KPNA4: variants seen among roughly 807,000 people sequenced by gnomAD.
KPNA4 encodes importin subunit alpha-3.
In KPNA4, 13 loss-of-function variants were observed where a neutral mutation model predicts 71.3. The observed-to-expected ratio is 0.18, with a 90% CI of 0.12 to 0.29. The LOEUF (loss-of-function observed/expected upper bound fraction) is 0.29, where lower values mean the gene tolerates loss of function less well. KPNA4 is among the 10% of genes least tolerant of loss of function. KPNA4 has a pLI of 1.00. For synonymous variants in KPNA4, 189 were observed against 195.2 expected, an observed-to-expected ratio of 0.97 and a Z score of 0.26; for missense variants, 334 against 603.2, an observed-to-expected ratio of 0.55 and a Z score of 4.67.
intron 1 of KPNA4, among the ~76,000 whole-genome samples, chr3:160,542,396 T>TCATG (rs1351313678): frequency 1.3e-5 from 2 of 152,214 alleles, no homozygotes; most frequent in East Asian, 3.8e-4. Flanking sequence ...TGGTGCTTAT[T>TCATG]CATGCCTTTG....
At position 160,535,542 on chromosome 3, in the gene KPNA4, T is replaced by C; in HGVS notation, c.258A>G (p.Gly86=). 6.2e-7 allele frequency: 1 copy of C among 1,601,904 alleles called. No homozygotes were observed. The highest frequency in any genetic ancestry group is 8.5e-7 in the Non-Finnish European group (1 of 1,173,770). Residue 86 remains glycine (G), a synonymous_variant, in exon 5 of 17, where the codon GGA becomes GGG. Coordinates refer to ENST00000334256, the MANE Select transcript of KPNA4 (RefSeq NM_002268.5). Reference sequence around the variant, plus strand: ...CAGCTTGAACTGCACTTAATTGAATTCCTTGGTTATCACTTGAAGCATTCT... The same window carrying C: ...CAGCTTGAACTGCACTTAATTGAATCCCTTGGTTATCACTTGAAGCATTCT... ...IVQNASSDNQ[G]IQLSAVQAAR... is the part of the protein sequence containing the mutation.
chr3:160,525,874 C>A (rs768535880), intron 9 of KPNA4, 30 bp from the exon 10 acceptor site: 2 of 1,528,778 alleles, frequency 1.3e-6, no homozygotes, highest in Admixed American at 4.1e-5. Context: ...GATTTAAAAA[C>A]ATACACAAAT....
At chr3:160,534,808 T>C (rs1577056273) in intron 5 of KPNA4, among the ~76,000 whole-genome samples, 1 of 151,806 alleles carries the variant, frequency 6.6e-6, no homozygotes, top group East Asian at 1.9e-4. Flanking sequence ...AATCTCTTTT[T>C]TTTTTGAGAT....
At chr3:160,516,039 T>A (rs751406552) in intron 11 of KPNA4, among the ~76,000 whole-genome samples, 8 of 152,248 alleles carry the variant, frequency 5.3e-5, no homozygotes, top group Non-Finnish European at 1.2e-4. Flanking sequence ...CAGGCTGAAG[T>A]GCAGTGGCTC....
intron 10 of KPNA4, among the ~76,000 whole-genome samples, chr3:160,523,562 C>T (rs115859637): frequency 0.017 from 2,573 of 151,268 alleles, 58 homozygotes; most frequent in African/African-American, 0.047. Flanking sequence ...AATGAGAGTT[C>T]GCACAGGCTG....
chr3:160,537,519 C>T (rs1721713962), intron 1 of KPNA4, among the ~76,000 whole-genome samples: 5 of 151,442 alleles, frequency 3.3e-5, no homozygotes, highest in Admixed American at 3.3e-4. Context: ...TGTGTGTTCA[C>T]TGTAAAACAT....
At chr3:160,534,669 A>G (rs1396991474) in intron 5 of KPNA4, among the ~76,000 whole-genome samples, 1 of 135,978 alleles carries the variant, frequency 7.4e-6, no homozygotes, top group East Asian at 2.2e-4. Context: ...GTGAGCTGAG[A>G]TTGCGCCACT....
chr3:160,543,828 C>T (rs1230162832), intron 1 of KPNA4, among the ~76,000 whole-genome samples: 1 of 151,870 alleles, frequency 6.6e-6, no homozygotes, highest in East Asian at 1.9e-4. Context: ...TTAAGTTATG[C>T]TGTGATGCCA....
chr3:160,505,021 A>C lies in KPNA4; in HGVS notation c.1404T>G (p.His468Gln), dbSNP rs202065920. Reference protein sequence around the residue: ...GLEKIEQLQNHENEDIYKLAY... With the variant: ...GLEKIEQLQNQENEDIYKLAY... ...CCAATTTGTAGATGTCTTCATTTTC[A>C]TGATTTTGAAGTTGTTCAATTTTCT... is the stretch of plus-strand genomic sequence containing the variant. Residue 468 changes from histidine (H) to glutamine (Q), a missense_variant, in exon 16 of 17, where the codon CAT becomes CAG. Coordinates refer to ENST00000334256, the MANE Select transcript of KPNA4 (RefSeq NM_002268.5). 1 of 1,568,456 alleles carries C rather than the reference A, an allele frequency of 6.4e-7. No individual in the cohort carries two copies. The highest frequency in any genetic ancestry group is 1.4e-5 in the African/African-American group (1 of 73,506).
At chr3:160,519,801 CAAAAAAAAAAAAAA>C (rs558355699) in intron 11 of KPNA4, among the ~76,000 whole-genome samples, 2 of 83,692 alleles carry the variant, frequency 2.4e-5, no homozygotes, top group East Asian at 4.5e-4. Context: ...GACTCCGTCT[CAAAAAAAAAAAAAA>C]AAAAAAAAAA....
chr3:160,559,839 A>G (rs1268940001), intron 1 of KPNA4, among the ~76,000 whole-genome samples: 16 of 152,116 alleles, frequency 1.1e-4, no homozygotes, highest in Admixed American at 1.0e-3. Flanking sequence ...TTAAGACCCG[A>G]AAAAAAGGTT....
At chr3:160,534,456 A>C (rs990004381) in intron 5 of KPNA4, among the ~76,000 whole-genome samples, 5 of 152,124 alleles carry the variant, frequency 3.3e-5, no homozygotes, top group Admixed American at 3.3e-4. Flanking sequence ...ATGGTGGTTC[A>C]CGCCTGTAAT....
At chr3:160,557,522 T>A (rs1195221087) in intron 1 of KPNA4, among the ~76,000 whole-genome samples, 1 of 152,156 alleles carries the variant, frequency 6.6e-6, no homozygotes, top group Non-Finnish European at 1.5e-5. Context: ...AGTAAAAAAA[T>A]TCATGAAATT....
At chr3:160,520,410 C>T (rs1353561238) in intron 11 of KPNA4, among the ~76,000 whole-genome samples, 1 of 151,516 alleles carries the variant, frequency 6.6e-6, no homozygotes, top group African/African-American at 2.4e-5. Context: ...TGCCACCATG[C>T]CTGGCTAATT....
At chr3:160,512,729 G>A (rs1053146865) in intron 13 of KPNA4, among the ~76,000 whole-genome samples, 11 of 152,098 alleles carry the variant, frequency 7.2e-5, no homozygotes, top group African/African-American at 2.7e-4. Flanking sequence ...CTACTTGGGA[G>A]GCTGAGGCGC....
At chr3:160,525,868 T>TA (rs1721447746) in intron 9 of KPNA4, 24 bp from the exon 10 acceptor site, 1 of 1,539,272 alleles carries the variant, frequency 6.5e-7, no homozygotes, top group African/African-American at 1.4e-5. Flanking sequence ...TATGTAGATT[T>TA]AAAAACATAC....
Position 160,497,558 on chromosome 3 carries a change from T to G in KPNA4, c.*4546A>C, listed in dbSNP as rs1186352442. ...GCTTATTAAAAAGTTTAGGGAAAAC[T>G]TTAAGTGTTCAAAATGTCAAGTTTG... On this transcript the variant is annotated 3_prime_UTR_variant, in exon 17 of 17. Transcript: ENST00000334256. 2 of 152,198 alleles carry G rather than the reference T, an allele frequency of 1.3e-5. No homozygotes were observed. Among genetic ancestry groups the G allele is most frequent in the African/African-American group, 2.4e-5 (1 of 41,442 alleles). 9.4% of individuals were successfully genotyped at this position (152,198 alleles called of 1,614,324 possible). A position where few individuals can be genotyped will look rare whatever the true frequency, so the allele number is the denominator to read the frequency against.
Position 160,508,655 on chromosome 3 carries a change from T to TG in KPNA4, c.1210-387dup, listed in dbSNP as rs201816043. On this transcript the variant is annotated intron_variant, in intron 14 of 16. Coordinates refer to ENST00000334256, the MANE Select transcript of KPNA4 (RefSeq NM_002268.5). The stretch of plus-strand genomic sequence containing the variant: ...AATTAATTAATTAAATATAGAGAGA[T>TG]GGGGTCTCACTATGTTGCGCAGGAT... Among the ~76,000 whole-genome samples, 381 of 152,044 alleles carry TG rather than the reference T, an allele frequency of 2.5e-3. 2 individuals carry two copies. The highest frequency in any genetic ancestry group is 3.4e-3 in the Middle Eastern group (1 of 294).
At chr3:160,538,235 AAG>A (rs1383659881) in intron 1 of KPNA4, among the ~76,000 whole-genome samples, 2 of 151,906 alleles carry the variant, frequency 1.3e-5, no homozygotes, top group African/African-American at 4.8e-5. Flanking sequence ...ATGTAAAAAA[AAG>A]AGCTGTAAAT....
Sources: allele counts gnomAD v4.1 joint callset (sites outside exome capture counted in the v4.1 genomes callset), GRCh38; gene constraint gnomAD v4.1.1; transcripts MANE v1.5; gene names NCBI Gene and HGNC (gene_info 2026-07-23, HGNC 2026-07-21).